DUSP22: variants seen among roughly 807,000 people sequenced by gnomAD.
The protein encoded by DUSP22 is dual specificity phosphatase 22.
A neutral mutation model predicts 24.5 loss-of-function variants in DUSP22; 24 were observed. That is an observed-to-expected ratio of 0.98 (90% CI 0.71 to 1.38). The LOEUF is 1.38. Ranked by LOEUF, DUSP22 falls within the 40% of genes most tolerant of loss-of-function variation. DUSP22 has a pLI of 0.00. For missense variants in DUSP22, 330 were observed against 269.2 expected, an observed-to-expected ratio of 1.23 and a Z score of -1.58; for synonymous variants, 160 against 106.4, an observed-to-expected ratio of 1.50 and a Z score of -3.10.
At chr6:305,124 G>C (rs1757763760) in intron 2 of DUSP22, among the ~76,000 whole-genome samples, 1 of 152,310 alleles carries the variant, frequency 6.6e-6, no homozygotes. Context: ...TCCACCAAAA[G>C]TGAGTTCACT....
intron 3 of DUSP22, among the ~76,000 whole-genome samples, chr6:329,279 G>T (rs1759030052): frequency 6.6e-6 from 1 of 152,308 alleles, no homozygotes; most frequent in Non-Finnish European, 1.5e-5. Context: ...CATAGAGATA[G>T]AAAGGTGAAA....
intron 1 of DUSP22, among the ~76,000 whole-genome samples, chr6:294,429 T>A (rs1757235618): frequency 6.6e-6 from 1 of 152,290 alleles, no homozygotes; most frequent in Non-Finnish European, 1.5e-5. Flanking sequence ...GTCAGCATTG[T>A]CCAGCACTAA....
intron 3 of DUSP22, among the ~76,000 whole-genome samples, chr6:315,939 G>A (rs1457021170): frequency 2.0e-5 from 3 of 152,310 alleles, no homozygotes; most frequent in African/African-American, 7.2e-5. Flanking sequence ...GTGGCTTGGA[G>A]CAGGTGGCAA....
rs376809917 is a variant in DUSP22 at position 350,286 on chromosome 6, ATC to A, written c.*1337_*1338del. The A allele has an allele frequency of 3.3e-4, 324 of 993,604 alleles. No individual in the cohort carries two copies. The African/African-American group carries it at 5.3e-3, about 16-fold the overall frequency. The allele number at this position is 993,604 out of a possible 1,614,324, so 61.5% of individuals were successfully genotyped here. A position where few individuals can be genotyped will look rare whatever the true frequency, so the allele number is the denominator to read the frequency against. ...AATTCCACATTCAGGCCACGAGAGCATCTACAGTTTGTACTCTGGGGCTGCAG... is the reference window on the plus strand; with the variant it reads ...AATTCCACATTCAGGCCACGAGAGCATACAGTTTGTACTCTGGGGCTGCAG... On this transcript the variant is annotated 3_prime_UTR_variant, in exon 7 of 7. Coordinates refer to ENST00000419235, the MANE Select transcript of DUSP22 (RefSeq NM_001286555.3).
At chr6:331,943 C>T (rs1172786958) in intron 3 of DUSP22, among the ~76,000 whole-genome samples, 6 of 152,298 alleles carry the variant, frequency 3.9e-5, no homozygotes, top group Non-Finnish European at 7.3e-5. Context: ...ACGCTGGTGT[C>T]CCTTGAGCAT....
At position 348,238 on chromosome 6, in the gene DUSP22, A is replaced by G. The variant is rs1759983812; in HGVS notation, c.399A>G (p.Arg133=). 2 of 1,614,306 alleles carry G rather than the reference A, an allele frequency of 1.2e-6. No individual in the cohort carries two copies. Among genetic ancestry groups the G allele is most frequent in the African/African-American group, 1.3e-5 (1 of 75,088 alleles). The change falls in exon 6 of 7, where the codon AGA becomes AGG. Residue 133 remains arginine (R), a synonymous_variant. Transcript: ENST00000419235. ...CCAACCCCAACGTGGGCTTCCAGAG[A>G]CAGCTCCAGGAGTTTGAGAAGCATG... is the stretch of plus-strand genomic sequence containing the variant. ...SCANPNVGFQ[R]QLQEFEKHEV... is the part of the protein sequence containing the mutation.
chr6:298,791 C>A (rs1424135596), intron 1 of DUSP22, among the ~76,000 whole-genome samples: 1 of 152,310 alleles, frequency 6.6e-6, no homozygotes, highest in Non-Finnish European at 1.5e-5. Flanking sequence ...ACCGTTTATT[C>A]AGACTTCCTC....
intron 2 of DUSP22, among the ~76,000 whole-genome samples, chr6:308,455 C>A (rs1482408602): frequency 6.6e-6 from 1 of 152,212 alleles, no homozygotes; most frequent in Non-Finnish European, 1.5e-5. Flanking sequence ...AGTAAGTGGG[C>A]AGAGCCTGTG....
intron 3 of DUSP22, among the ~76,000 whole-genome samples, chr6:328,865 G>T (rs558495322): frequency 3.9e-5 from 6 of 152,404 alleles, no homozygotes; most frequent in African/African-American, 1.2e-4. Flanking sequence ...CCTATTTTTT[G>T]TGTTGACTTC....
intron 2 of DUSP22, among the ~76,000 whole-genome samples, chr6:309,049 G>A (rs936228116): frequency 4.6e-5 from 7 of 152,300 alleles, no homozygotes; most frequent in Admixed American, 1.3e-4. Flanking sequence ...ATCCCATTTT[G>A]GTGTGAATGT....
At chr6:298,067 C>G (rs1286382838) in intron 1 of DUSP22, among the ~76,000 whole-genome samples, 2 of 152,304 alleles carry the variant, frequency 1.3e-5, no homozygotes, top group East Asian at 3.8e-4. Context: ...GACTGACAGA[C>G]AGATGGCCAC....
chr6:293,662 G>C (rs1356131528), intron 1 of DUSP22, among the ~76,000 whole-genome samples: 2 of 152,276 alleles, frequency 1.3e-5, no homozygotes, highest in African/African-American at 4.8e-5. Context: ...GGTAGGGCAG[G>C]GAAAACCTAG....
chr6:311,272 A>G (rs964740042), intron 2 of DUSP22, among the ~76,000 whole-genome samples: 1 of 152,308 alleles, frequency 6.6e-6, no homozygotes. Context: ...GGGAGAGGAG[A>G]CTGCTGTTAT....
chr6:317,876 C>T (rs1048397351), intron 3 of DUSP22, among the ~76,000 whole-genome samples: 2 of 152,296 alleles, frequency 1.3e-5, no homozygotes, highest in African/African-American at 4.8e-5. Flanking sequence ...ACGCATTTAG[C>T]CCCGTTCCAA....
chr6:298,227 C>T (rs1757429268), intron 1 of DUSP22, among the ~76,000 whole-genome samples: 1 of 152,308 alleles, frequency 6.6e-6, no homozygotes, highest in Non-Finnish European at 1.5e-5. Flanking sequence ...ATATTCTTCC[C>T]TTTTTATATG....
chr6:315,358 A>G (rs1401931312), intron 3 of DUSP22, among the ~76,000 whole-genome samples: 2 of 152,302 alleles, frequency 1.3e-5, no homozygotes, highest in African/African-American at 4.8e-5. Flanking sequence ...TAACTCTATC[A>G]TTGGGTGGAC....
intron 1 of DUSP22, among the ~76,000 whole-genome samples, chr6:293,749 G>A (rs1239904444): frequency 4.6e-5 from 7 of 151,876 alleles, no homozygotes; most frequent in African/African-American, 1.7e-4. Flanking sequence ...GTGTGTTTGG[G>A]ACCTGCATAT....
chr6:294,562 G>A (rs1322719704), intron 1 of DUSP22, among the ~76,000 whole-genome samples: 3 of 152,276 alleles, frequency 2.0e-5, no homozygotes, highest in African/African-American at 7.2e-5. Context: ...GTTTCAACAT[G>A]TAACCAATAT....
intron 4 of DUSP22, among the ~76,000 whole-genome samples, chr6:344,409 C>T (rs1759759931): frequency 6.6e-6 from 1 of 152,306 alleles, no homozygotes; most frequent in Non-Finnish European, 1.5e-5. Flanking sequence ...CCTCGGCCTC[C>T]CAAGTACCCG....
Sources: allele counts gnomAD v4.1 joint callset (sites outside exome capture counted in the v4.1 genomes callset), GRCh38; gene constraint gnomAD v4.1.1; transcripts MANE v1.5; gene names NCBI Gene and HGNC (gene_info 2026-07-23, HGNC 2026-07-21).